RGL3: variants seen among roughly 807,000 people sequenced by gnomAD.
RGL3 encodes ral guanine nucleotide dissociation stimulator like 3.
In RGL3, 85 loss-of-function variants were observed where a neutral mutation model predicts 90.6. That is an observed-to-expected ratio of 0.94 (90% CI 0.79 to 1.12). RGL3 has a LOEUF of 1.12. Among genes scored for constraint, RGL3 ranks in the 50% most tolerant of loss-of-function variants. The pLI is 0.00. For synonymous variants in RGL3, 408 were observed against 385.5 expected (o/e 1.06, Z -0.68); for missense variants, 1,034 against 939.2 (o/e 1.10, Z -1.32).
At chr19:11,405,051 G>T in intron 9 of RGL3, 96 bp downstream of exon 9, 1 of 998,104 alleles carries the variant, frequency 1.0e-6, no homozygotes, top group Non-Finnish European at 1.6e-6. Flanking sequence ...AGGACAGAGT[G>T]TCCTGACTAT....
In RGL3 at chr19:11,400,021, C is replaced by G; in HGVS notation, c.1649+19G>C. 1 of 1,603,038 alleles carries G rather than the reference C, an allele frequency of 6.2e-7. No individual in the cohort carries two copies. ...CTGATCCCATGATCCCCAGTCCCAT[C>G]ACCAAGCAGAATGCTCACCTGGAGG... On this transcript the variant is annotated intron_variant, in intron 15 of 18. Coordinates refer to ENST00000380456, the MANE Select transcript of RGL3 (RefSeq NM_001035223.4).
In RGL3 at chr19:11,394,499, G is replaced by C. The variant is rs781167023; in HGVS notation, c.2036C>G (p.Ala679Gly). The C allele has an allele frequency of 6.8e-6, 11 of 1,613,928 alleles. No individual in the cohort carries two copies. Among genetic ancestry groups the C allele is most frequent in the South Asian group, 4.4e-5 (4 of 91,072 alleles). ...TGGACTCATGGCATAGAAGACGTTGGCATTGTCAGGAATCAGGAGCACTGG... is the reference window on the plus strand; with the variant it reads ...TGGACTCATGGCATAGAAGACGTTGCCATTGTCAGGAATCAGGAGCACTGG... ...GDRVLLIPDN[A>G]NVFYAMSPVA... The change falls in exon 19 of 19, where the codon GCC (alanine) becomes GGC (glycine). Residue 679 changes from alanine to glycine, a missense_variant. Transcript: ENST00000380456.
intron 16 of RGL3, among the ~76,000 whole-genome samples, chr19:11,399,207 C>G (rs443385): frequency 1.3e-5 from 2 of 151,860 alleles, no homozygotes; most frequent in Non-Finnish European, 1.5e-5. Flanking sequence ...CCCAAAGTGC[C>G]GGGATCACAG....
Position 11,414,178 on chromosome 19 carries a change from C to CCTTTATATATATATAT in RGL3, c.637+1758_637+1759insATATATATATATAAAG, listed in dbSNP as rs1568341544. On this transcript the variant is annotated intron_variant, in intron 5 of 18. Transcript: ENST00000380456. Reference sequence around the variant, plus strand: ...ATATATATATATATATATATATATACACCTATATATATATACCTTTATATA... The same window carrying CCTTTATATATATATAT: ...ATATATATATATATATATATATATACCTTTATATATATATATACCTATATATATATACCTTTATATA... 4.5e-4 allele frequency among the ~76,000 whole-genome samples: 21 copies of CCTTTATATATATATAT among 47,136 alleles called. 1 individual carries two copies. Among genetic ancestry groups the CCTTTATATATATATAT allele is most frequent in the East Asian group, 1.3e-3 (2 of 1,522 alleles). The allele number at this position is 47,136 out of a possible 152,430, so 30.9% of individuals were successfully genotyped here.
chr19:11,396,652 C>T (rs1010264679), intron 18 of RGL3, among the ~76,000 whole-genome samples: 5 of 148,578 alleles, frequency 3.4e-5, no homozygotes, highest in South Asian at 4.2e-4. Context: ...GTCACTTGTC[C>T]GTGGACAGTC....
rs1968745315 is a variant in RGL3, at chr19:11,405,033, G to A, written c.1185+114C>T. 18 of 862,848 alleles carry A rather than the reference G, an allele frequency of 2.1e-5. No homozygotes were observed. In the South Asian group the frequency reaches 2.2e-4, roughly 11 times the overall value. 53.4% of individuals were successfully genotyped at this position (862,848 alleles called of 1,614,324 possible). The stretch of plus-strand genomic sequence containing the variant: ...GACAAGGATAAGGTCATTGCTGAGC[G>A]GTAGGGAAGGACAGAGTGTCCTGAC... On this transcript the variant is annotated intron_variant, in intron 9 of 18. Transcript: ENST00000380456.
rs1568342108 is a variant in RGL3 at position 11,414,528 on chromosome 19, T to TATATATATAC, written c.637+1408_637+1409insGTATATATAT. Reference sequence around the variant, plus strand: ...ATATATATATATATATATATATATATACCTTTATATATATATAAATAACTG... The same window carrying TATATATATAC: ...ATATATATATATATATATATATATATATATATATACACCTTTATATATATATAAATAACTG... On this transcript the variant is annotated intron_variant, in intron 5 of 18. Coordinates refer to ENST00000380456, the MANE Select transcript of RGL3 (RefSeq NM_001035223.4). Among the ~76,000 whole-genome samples, 36 of 74,076 alleles carry TATATATATAC rather than the reference T, an allele frequency of 4.9e-4. 6 individuals are homozygous for TATATATATAC. Among genetic ancestry groups the TATATATATAC allele is most frequent in the East Asian group, 2.6e-3 (6 of 2,324 alleles). 48.6% of individuals were successfully genotyped at this position (74,076 alleles called of 152,430 possible).
intron 5 of RGL3, among the ~76,000 whole-genome samples, chr19:11,413,193 C>T (rs889985839): frequency 6.8e-6 from 1 of 147,356 alleles, no homozygotes; most frequent in Admixed American, 6.9e-5. Flanking sequence ...GGATTGAAGA[C>T]CTGAATTTTT....
chr19:11,407,716 T>C (rs182976852), intron 5 of RGL3, among the ~76,000 whole-genome samples: 37 of 151,210 alleles, frequency 2.4e-4, no homozygotes, highest in African/African-American at 8.0e-4. Flanking sequence ...AGACGGAGTC[T>C]GACTCTGTCG....
intron 5 of RGL3, among the ~76,000 whole-genome samples, chr19:11,409,147 C>T (rs1968831384): frequency 6.8e-6 from 1 of 146,302 alleles, no homozygotes; most frequent in African/African-American, 2.5e-5. Context: ...GCACTCTAGC[C>T]TGGGTGACAG....
intron 5 of RGL3, among the ~76,000 whole-genome samples, chr19:11,413,633 C>T (rs1428641396): frequency 1.3e-5 from 2 of 151,252 alleles, no homozygotes; most frequent in Non-Finnish European, 2.9e-5. Flanking sequence ...TTGCTTAAGC[C>T]CAGGAGTTCG....
At chr19:11,417,147 TTTTTTTTTTTG>T in intron 2 of RGL3, 88 bp from the exon 3 acceptor site, 1 of 545,014 alleles carries the variant, frequency 1.8e-6, no homozygotes, top group Non-Finnish European at 2.7e-6. Flanking sequence ...AGCACCACTC[TTTTTTTTTTTG>T]TTTTTTTTTT....
Position 11,399,836 on chromosome 19 carries a change from A to C in RGL3, c.1746+19T>G. The C allele has an allele frequency of 7.1e-7, 1 of 1,411,634 alleles. No individual in the cohort carries two copies. The highest frequency in any genetic ancestry group is 9.5e-7 in the Non-Finnish European group (1 of 1,051,756). The allele number at this position is 1,411,634 out of a possible 1,614,324, so 87.4% of individuals were successfully genotyped here. On this transcript the variant is annotated intron_variant, in intron 16 of 18. Coordinates refer to ENST00000380456, the MANE Select transcript of RGL3 (RefSeq NM_001035223.4). ...TGGGTGCCCGCAGGCCCGCATGCAC[A>C]CACAAGCCGTCTTGGTACCTTGGTG...
In RGL3 at chr19:11,412,782, C is replaced by T. The variant is rs375613010; in HGVS notation, c.637+3155G>A. ...GAGATCGAGACCATCTTGGCTAGCA[C>T]GGTGAAACCCCGTCTCTACTAAAAC... On this transcript the variant is annotated intron_variant, in intron 5 of 18. Coordinates refer to ENST00000380456, the MANE Select transcript of RGL3 (RefSeq NM_001035223.4). Among the ~76,000 whole-genome samples the T allele has an allele frequency of 2.4e-4, 36 of 151,814 alleles. No homozygotes were observed. The South Asian group carries it at 2.9e-3, about 12-fold the overall frequency.
intron 5 of RGL3, among the ~76,000 whole-genome samples, chr19:11,414,507 AT>A: frequency 8.9e-6 from 1 of 112,286 alleles, no homozygotes; most frequent in South Asian, 2.6e-4. Context: ...ATATATATAT[AT>A]ATATATATAT....
Position 11,414,181 on chromosome 19 carries a change from CTATATATATATACCTTTA to C in RGL3, c.637+1738_637+1755del, listed in dbSNP as rs1568341560. ...TATATATATATATATATATATACAC[CTATATATATATACCTTTA>C]TATATATATATACCTTTATATATAT... On this transcript the variant is annotated intron_variant, in intron 5 of 18. Transcript: ENST00000380456. 1.8e-3 allele frequency among the ~76,000 whole-genome samples: 52 copies of C among 28,180 alleles called. 2 individuals are homozygous for C. The highest frequency in any genetic ancestry group is 2.8e-3 in the Non-Finnish European group (41 of 14,566). The allele number at this position is 28,180 out of a possible 152,430, so 18.5% of individuals were successfully genotyped here. A position where few individuals can be genotyped will look rare whatever the true frequency, so the allele number is the denominator to read the frequency against.
At chr19:11,414,153 A>ATATATATATATATATATATACACC (rs1968921629) in intron 5 of RGL3, among the ~76,000 whole-genome samples, 8 of 85,008 alleles carry the variant, frequency 9.4e-5, no homozygotes, top group Admixed American at 1.5e-4. Context: ...ATATATATAT[A>ATATATATATATATATATATACACC]TATATATATA....
chr19:11,402,637 T>C lies in RGL3; in HGVS notation c.1242+13A>G, dbSNP rs1968700382. The C allele has an allele frequency of 6.2e-7, 1 of 1,613,724 alleles. No homozygotes were observed. Among genetic ancestry groups the C allele is most frequent in the Non-Finnish European group, 8.5e-7 (1 of 1,179,880 alleles). The stretch of plus-strand genomic sequence containing the variant: ...GGTCCCACTTGTCCCCATCCCAAAC[T>C]GTAATCACTCACTGAGGGCAGGCTG... On this transcript the variant is annotated intron_variant, in intron 10 of 18. Transcript: ENST00000380456.
chr19:11,408,843 T>C (rs1368470576), intron 5 of RGL3: 3 of 152,324 alleles, frequency 2.0e-5, no homozygotes, highest in East Asian at 3.9e-4. Flanking sequence ...TGTTCTACTC[T>C]TTCCCCCCTT....
Sources: allele counts gnomAD v4.1 joint callset (sites outside exome capture counted in the v4.1 genomes callset), GRCh38; gene constraint gnomAD v4.1.1; transcripts MANE v1.5; gene names NCBI Gene and HGNC (gene_info 2026-07-23, HGNC 2026-07-21).